Variants in STK39 observed in about 807,000 individuals in gnomAD.
STK39 encodes the protein STE20/SPS1-related proline-alanine-rich protein kinase.
STK39 carries 20 observed loss-of-function variants against 77.8 expected under a neutral mutation model. The ratio of observed to expected loss-of-function variants is 0.26; its 90% confidence interval spans 0.18 to 0.37. The LOEUF (loss-of-function observed/expected upper bound fraction) is 0.37, where lower values mean the gene tolerates loss of function less well. Among genes scored for constraint, STK39 ranks in the 10% least tolerant of loss-of-function variants. STK39 has a pLI of 1.00. For missense variants in STK39, 479 were observed against 656.5 expected (o/e 0.73, Z 2.95); for synonymous variants, 246 against 234.1 (o/e 1.05, Z -0.47).
At chr2:168,168,554 A>T (rs967686784) in intron 2 of STK39, among the ~76,000 whole-genome samples, 1 of 152,248 alleles carries the variant, frequency 6.6e-6, no homozygotes, top group Non-Finnish European at 1.5e-5. Context: ...TTACCCAAGC[A>T]GAACATCTCA....
chr2:168,193,064 T>A (rs1386450064), intron 1 of STK39, among the ~76,000 whole-genome samples: 4 of 152,172 alleles, frequency 2.6e-5, no homozygotes, highest in Admixed American at 2.6e-4. Flanking sequence ...CTCAGGTAAT[T>A]AAACAGCCCT....
chr2:168,111,874 T>C (rs1218296365), intron 10 of STK39, among the ~76,000 whole-genome samples: 1 of 152,120 alleles, frequency 6.6e-6, no homozygotes, highest in Non-Finnish European at 1.5e-5. Context: ...CTGATAAATA[T>C]AAAAACCTCA....
At chr2:168,018,370 C>T (rs1684468175) in intron 14 of STK39, among the ~76,000 whole-genome samples, 1 of 151,904 alleles carries the variant, frequency 6.6e-6, no homozygotes, top group Non-Finnish European at 1.5e-5. Context: ...AGTGGTGGCC[C>T]ATCCCTGTAA....
At chr2:168,196,102 T>G (rs899076444) in intron 1 of STK39, among the ~76,000 whole-genome samples, 1 of 152,220 alleles carries the variant, frequency 6.6e-6, no homozygotes, top group African/African-American at 2.4e-5. Flanking sequence ...ACTGATTATG[T>G]GTAATAATTA....
chr2:168,033,033 G>C (rs1477094638), intron 14 of STK39, among the ~76,000 whole-genome samples: 1 of 152,162 alleles, frequency 6.6e-6, no homozygotes, highest in Non-Finnish European at 1.5e-5. Context: ...CTAAGATGTT[G>C]GGTAGTCTCT....
intron 2 of STK39, among the ~76,000 whole-genome samples, chr2:168,172,121 T>G (rs1484567565): frequency 6.6e-6 from 1 of 152,186 alleles, no homozygotes; most frequent in Non-Finnish European, 1.5e-5. Flanking sequence ...GTAGGGGAAA[T>G]GAGATGTATA....
intron 5 of STK39, among the ~76,000 whole-genome samples, chr2:168,147,068 T>C (rs1272026180): frequency 6.6e-6 from 1 of 152,186 alleles, no homozygotes; most frequent in Non-Finnish European, 1.5e-5. Context: ...GAGAAGGAAA[T>C]GCAAAATGCA....
At chr2:168,010,626 T>C (rs573753700) in intron 16 of STK39, among the ~76,000 whole-genome samples, 31 of 152,340 alleles carry the variant, frequency 2.0e-4, no homozygotes, top group Middle Eastern at 3.4e-3. Flanking sequence ...TGTCCCCTCA[T>C]GTATGGAGCC....
At chr2:168,018,514 A>AGAAAG in intron 14 of STK39, among the ~76,000 whole-genome samples, 3 of 114,558 alleles carry the variant, frequency 2.6e-5, no homozygotes, top group African/African-American at 1.3e-4. Flanking sequence ...AAGAAAGAAA[A>AGAAAG]GAAAGAAAAG....
intron 14 of STK39, among the ~76,000 whole-genome samples, chr2:168,060,020 G>T (rs1685622110): frequency 6.6e-6 from 1 of 152,056 alleles, no homozygotes; most frequent in Non-Finnish European, 1.5e-5. Context: ...ATGAATGAAT[G>T]TATTTACCAT....
chr2:168,050,975 C>A (rs924936896), intron 14 of STK39, among the ~76,000 whole-genome samples: 2 of 152,282 alleles, frequency 1.3e-5, no homozygotes, highest in East Asian at 3.9e-4. Context: ...TCCAAGAAGT[C>A]TGGTTTCAAC....
intron 10 of STK39, among the ~76,000 whole-genome samples, chr2:168,083,285 T>C (rs1045927351): frequency 2.6e-5 from 4 of 151,820 alleles, no homozygotes; most frequent in East Asian, 1.9e-4. Context: ...GAATTTTGCC[T>C]ATACCTCTAT....
At chr2:168,026,074 T>A (rs1447388185) in intron 14 of STK39, among the ~76,000 whole-genome samples, 1 of 152,238 alleles carries the variant, frequency 6.6e-6, no homozygotes, top group Non-Finnish European at 1.5e-5. Context: ...GCTACTGCTA[T>A]AAGCCATTAT....
chr2:168,069,294 T>A (rs1305712549), intron 12 of STK39, among the ~76,000 whole-genome samples: 1 of 152,188 alleles, frequency 6.6e-6, no homozygotes, highest in Admixed American at 6.5e-5. Flanking sequence ...AGGAAAAAAA[T>A]TAGTTTTCAC....
intron 1 of STK39, among the ~76,000 whole-genome samples, chr2:168,193,335 G>A (rs1490166934): frequency 6.6e-6 from 1 of 152,178 alleles, no homozygotes; most frequent in Non-Finnish European, 1.5e-5. Flanking sequence ...CCAGAAGCAG[G>A]GGCATGATGC....
chr2:168,022,479 C>T (rs1684594509), intron 14 of STK39, among the ~76,000 whole-genome samples: 1 of 152,194 alleles, frequency 6.6e-6, no homozygotes, highest in Non-Finnish European at 1.5e-5. Context: ...CTAAAGGGGA[C>T]AACCACTATT....
intron 7 of STK39, among the ~76,000 whole-genome samples, chr2:168,138,737 T>C (rs1687901156): frequency 6.6e-6 from 1 of 152,046 alleles, no homozygotes. Context: ...AGAAAATTGC[T>C]AAAAGGCTTG....
intron 17 of STK39, among the ~76,000 whole-genome samples, chr2:167,959,111 T>C (rs548669799): frequency 1.4e-3 from 215 of 151,682 alleles, no homozygotes; most frequent in Non-Finnish European, 2.3e-3. Flanking sequence ...GATTTATTTA[T>C]TTATTTATTT....
chr2:168,027,300 C>T (rs1348735880), intron 14 of STK39, among the ~76,000 whole-genome samples: 4 of 152,152 alleles, frequency 2.6e-5, no homozygotes, highest in Non-Finnish European at 5.9e-5. Context: ...ACTTTCCCCT[C>T]CCCTCCAAAC....
Sources: gnomAD v4.1 joint callset for allele counts (sites outside exome capture counted in the v4.1 genomes callset) on GRCh38, gnomAD v4.1.1 for gene constraint, MANE v1.5 for transcripts, NCBI Gene and HGNC (gene_info 2026-07-23, HGNC 2026-07-21) for gene names.